The following MAD1L1 variants were observed in gnomAD, a reference collection of about 807,000 sequenced individuals.
MAD1L1 encodes the protein mitotic arrest deficient 1 like 1.
A neutral mutation model predicts 96.9 loss-of-function variants in MAD1L1; 95 were observed. The observed-to-expected ratio is 0.98, with a 90% CI of 0.83 to 1.16. The LOEUF (loss-of-function observed/expected upper bound fraction) is 1.16. MAD1L1 is among the 50% of genes most tolerant of loss of function. The pLI, the probability that MAD1L1 is intolerant of heterozygous loss-of-function variation, is 0.00. For synonymous variants in MAD1L1, 473 were observed against 396.6 expected, an observed-to-expected ratio of 1.19 and a Z score of -2.29; for missense variants, 1,007 against 954.4, an observed-to-expected ratio of 1.06 and a Z score of -0.73.
At chr7:1,831,810 T>A (rs1161967765) in intron 18 of MAD1L1, among the ~76,000 whole-genome samples, 1 of 152,178 alleles carries the variant, frequency 6.6e-6, no homozygotes, top group Non-Finnish European at 1.5e-5. Context: ...TGACAGCACA[T>A]CTGTTCAAAC....
At chr7:2,230,489 G>A (rs929785061) in intron 2 of MAD1L1, 60 bp downstream of exon 2, 1 of 227,504 alleles carries the variant, frequency 4.4e-6, no homozygotes, top group Admixed American at 4.9e-5. Flanking sequence ...CAGAGACACA[G>A]AGCCAACAGG....
At chr7:1,875,498 T>C (rs916994612) in intron 18 of MAD1L1, among the ~76,000 whole-genome samples, 3 of 152,196 alleles carry the variant, frequency 2.0e-5, no homozygotes, top group Admixed American at 2.0e-4. Flanking sequence ...GGCTGCTCAC[T>C]AACTCCCCTG....
chr7:1,937,080 T>C (rs1583847316), intron 16 of MAD1L1, among the ~76,000 whole-genome samples, 183 bp from the exon 17 acceptor site: 1 of 152,182 alleles, frequency 6.6e-6, no homozygotes, highest in South Asian at 2.1e-4. Context: ...GAGTGGCTCC[T>C]TCCCTGTGCC....
intron 17 of MAD1L1, among the ~76,000 whole-genome samples, chr7:1,910,940 C>G (rs112616888): frequency 0.014 from 2,116 of 152,294 alleles, 47 homozygotes; most frequent in African/African-American, 0.048. Context: ...TCTCTCCTGA[C>G]CCCCAACCCT....
rs754545572 is a variant in MAD1L1, at chr7:2,218,039, A to G, written c.601T>C (p.Cys201Arg). 1 of 1,613,488 alleles carries G rather than the reference A, an allele frequency of 6.2e-7. No individual in the cohort carries two copies. Among genetic ancestry groups the G allele is most frequent in the Non-Finnish European group, 8.5e-7 (1 of 1,179,508 alleles). Residue 201 changes from cysteine (C) to arginine (R), a missense_variant, in exon 7 of 19, where the codon TGC becomes CGC. Coordinates refer to ENST00000265854, the MANE Select transcript of MAD1L1 (RefSeq NM_001013836.2). The stretch of plus-strand genomic sequence containing the variant: ...TGGATTTTCTGATTGGCTTCCTGGC[A>G]TTTTCTATTGAAAGAAAAATACATC... ...QEQLDLQHKKCQEANQKIQEL... is the reference protein window; with the variant it reads ...QEQLDLQHKKRQEANQKIQEL...
intron 18 of MAD1L1, among the ~76,000 whole-genome samples, chr7:1,887,257 G>A (rs377344262): frequency 6.6e-6 from 1 of 152,170 alleles, no homozygotes; most frequent in Non-Finnish European, 1.5e-5. Context: ...CTGTGCATGT[G>A]TGGGCATGTG....
chr7:2,059,297 G>T (rs746356892), intron 12 of MAD1L1, among the ~76,000 whole-genome samples: 10 of 142,212 alleles, frequency 7.0e-5, no homozygotes, highest in Non-Finnish European at 1.4e-4. Flanking sequence ...AGGGAGTGTG[G>T]CCAGAAGAGA....
intron 10 of MAD1L1, among the ~76,000 whole-genome samples, chr7:2,183,470 C>T (rs1791301307): frequency 6.6e-6 from 1 of 152,142 alleles, no homozygotes; most frequent in South Asian, 2.1e-4. Context: ...TATTGCGGCA[C>T]TATTCACAAT....
At chr7:1,867,343 AC>A (rs538910046) in intron 18 of MAD1L1, among the ~76,000 whole-genome samples, 1 of 151,590 alleles carries the variant, frequency 6.6e-6, no homozygotes, top group Non-Finnish European at 1.5e-5. Context: ...CCTCCGCAGG[AC>A]CCCCCCGGAA....
intron 10 of MAD1L1, among the ~76,000 whole-genome samples, chr7:2,201,682 C>T (rs1422421114): frequency 6.6e-6 from 1 of 152,228 alleles, no homozygotes; most frequent in African/African-American, 2.4e-5. Context: ...GATAGCGTTT[C>T]CACCCGGACA....
chr7:2,073,855 C>T (rs1011203998), intron 11 of MAD1L1, among the ~76,000 whole-genome samples: 5 of 152,180 alleles, frequency 3.3e-5, no homozygotes, highest in African/African-American at 1.2e-4. Context: ...ACATTCCCGG[C>T]TGAGGGACGG....
chr7:2,123,483 C>A (rs370870704), intron 11 of MAD1L1, among the ~76,000 whole-genome samples: 1 of 152,102 alleles, frequency 6.6e-6, no homozygotes, highest in Non-Finnish European at 1.5e-5. Flanking sequence ...GGCTGACACC[C>A]GGTGGGCTCT....
chr7:2,071,987 C>T (rs56320659), intron 11 of MAD1L1, among the ~76,000 whole-genome samples: 18,926 of 152,244 alleles, frequency 0.12, 1,423 homozygotes, highest in African/African-American at 0.2. Context: ...CAGTAAGCTT[C>T]ATAATAAACT....
chr7:1,925,066 A>G lies in MAD1L1; in HGVS notation c.1807+11621T>C, dbSNP rs1789015304. Among the ~76,000 whole-genome samples, 3 of 152,348 alleles carry G rather than the reference A, an allele frequency of 2.0e-5. 1 individual carries two copies. In the South Asian group the frequency reaches 6.2e-4, roughly 32 times the overall value. Reference sequence around the variant, plus strand: ...GGAATAAAAAATGGAGGACAAACAGAAAACTAATCATAAAATGTACCTAAA... The same window carrying G: ...GGAATAAAAAATGGAGGACAAACAGGAAACTAATCATAAAATGTACCTAAA... On this transcript the variant is annotated intron_variant, in intron 17 of 18. Transcript: ENST00000265854.
intron 3 of MAD1L1, among the ~76,000 whole-genome samples, chr7:2,229,092 C>T (rs1172109722): frequency 2.6e-5 from 4 of 152,188 alleles, no homozygotes; most frequent in Non-Finnish European, 4.4e-5. Flanking sequence ...CAAATGCACA[C>T]GCACACACAG....
Position 2,213,221 on chromosome 7 carries a change from A to C in MAD1L1, c.977T>G (p.Leu326Arg). 4 of 1,614,178 alleles carry C rather than the reference A, an allele frequency of 2.5e-6. No individual in the cohort carries two copies. The highest frequency in any genetic ancestry group is 3.4e-6 in the Non-Finnish European group (4 of 1,180,030). The change falls in exon 10 of 19, where the codon CTG becomes CGG. Residue 326 changes from leucine (L) to arginine (R), a missense_variant. By Grantham distance (102) the Leu-to-Arg change is moderately radical. Coordinates refer to ENST00000265854, the MANE Select transcript of MAD1L1 (RefSeq NM_001013836.2). The part of the protein sequence containing the change: ...SWERLDQTMG[L>R]SIRTPEDLSR... ...ACCTGCCCTTCCCTACCTGATGCTC[A>C]GGCCCATGGTCTGGTCCAGTCTCTC...
intron 16 of MAD1L1, among the ~76,000 whole-genome samples, chr7:1,955,281 G>C (rs1342838960): frequency 6.6e-6 from 1 of 152,208 alleles, no homozygotes; most frequent in South Asian, 2.1e-4. Context: ...AGAGGGCATC[G>C]CATAGTGGGT....
intron 15 of MAD1L1, among the ~76,000 whole-genome samples, chr7:1,967,227 A>G (rs538562140): frequency 6.6e-6 from 1 of 152,324 alleles, no homozygotes; most frequent in East Asian, 1.9e-4. Flanking sequence ...TAATTCCCAG[A>G]GCAAACACTC....
intron 11 of MAD1L1, among the ~76,000 whole-genome samples, chr7:2,075,391 C>T (rs770190394): frequency 1.3e-5 from 2 of 152,196 alleles, no homozygotes; most frequent in South Asian, 2.1e-4. Context: ...GCGGCACCAG[C>T]GACGGCGGGC....
Sources: allele counts gnomAD v4.1 joint callset (sites outside exome capture counted in the v4.1 genomes callset), GRCh38; gene constraint gnomAD v4.1.1; transcripts MANE v1.5; gene names NCBI Gene and HGNC (gene_info 2026-07-23, HGNC 2026-07-21).